Variants in GSTT4 observed in about 807,000 individuals in gnomAD.
GSTT4 encodes the protein glutathione S-transferase theta-4.
In GSTT4 at chr22:24,001,306, G is replaced by C. The variant is rs2034225186; in HGVS notation, c.220C>G (p.Leu74Val). The change falls in exon 3 of 5, where the codon CTG becomes GTG. Residue 74 changes from leucine (L) to valine (V), a missense_variant. Coordinates refer to ENST00000621179, the MANE Select transcript of GSTT4 (RefSeq NM_001358664.2). ...GATGGTGCGCTGTACTTGCGGCACA[G>C]GTAGTAAAGGATGGCCGCGCTGCAG... The part of the protein sequence containing the change: ...LSESAAILYY[L>V]CRKYSAPSHW... The C allele has an allele frequency of 2.0e-5, 3 of 153,344 alleles. No individual in the cohort carries two copies. The highest frequency in any genetic ancestry group is 3.4e-3 in the Middle Eastern group (1 of 298). The allele number at this position is 153,344 out of a possible 1,614,324, so 9.5% of individuals were successfully genotyped here. A position where few individuals can be genotyped will look rare whatever the true frequency, so the allele number is the denominator to read the frequency against.
intron 1 of GSTT4, chr22:24,005,039 C>T (rs754112529): frequency 6.6e-6 from 1 of 152,246 alleles, no homozygotes; most frequent in Non-Finnish European, 1.5e-5. Context: ...GTGGCATGCA[C>T]CTCTAATCCC....
At chr22:23,993,874 G>C, downstream of GSTT4, among the ~76,000 whole-genome samples, 1 of 149,622 alleles carries the variant, frequency 6.7e-6, no homozygotes, top group Admixed American at 6.7e-5. Flanking sequence ...TGATACCTGG[G>C]CCATCGTCTC....
At chr22:23,997,269 T>C (rs2034125379), downstream of GSTT4, among the ~76,000 whole-genome samples, 1 of 152,030 alleles carries the variant, frequency 6.6e-6, no homozygotes, top group Non-Finnish European at 1.5e-5. Flanking sequence ...CAGGCTGGAG[T>C]GCAGTGGTGC....
intron 4 of GSTT4, among the ~76,000 whole-genome samples, chr22:23,999,541 A>G (rs2034181098): frequency 8.9e-6 from 1 of 112,076 alleles, no homozygotes. Flanking sequence ...GACCCTGGCC[A>G]GTGTCTTGAC....
At chr22:23,997,600 G>T (rs1408837853), downstream of GSTT4, among the ~76,000 whole-genome samples, 1 of 151,930 alleles carries the variant, frequency 6.6e-6, no homozygotes, top group Non-Finnish European at 1.5e-5. Context: ...TGCCAATTTT[G>T]TTGATCTTTG....
chr22:23,999,893 A>C (rs1400818826), intron 4 of GSTT4, among the ~76,000 whole-genome samples, 182 bp downstream of exon 4: 1 of 152,162 alleles, frequency 6.6e-6, no homozygotes. Context: ...CTGATTCATA[A>C]CATTCTGTGC....
rs2034288846 is a variant in GSTT4 at position 24,003,741 on chromosome 22, G to A, written c.200+19C>T. 6.4e-6 allele frequency: 1 copy of A among 155,418 alleles called. No homozygotes were observed. The highest frequency in any genetic ancestry group is 6.5e-5 in the Admixed American group (1 of 15,298). 9.6% of individuals were successfully genotyped at this position (155,418 alleles called of 1,614,324 possible). On this transcript the variant is annotated intron_variant, in intron 2 of 4. Transcript: ENST00000621179. ...GAGAAGCAGAGACAGATGGTGCAAG[G>A]GCCCCAGGGAAGACTTACCTTTCAC...
In GSTT4 at chr22:24,001,294, A is replaced by G. The variant is rs1454764323; in HGVS notation, c.232T>C (p.Tyr78His). 2.0e-5 allele frequency: 3 copies of G among 153,072 alleles called. No homozygotes were observed. The highest frequency in any genetic ancestry group is 1.9e-4 in the East Asian group (1 of 5,164). 9.5% of individuals were successfully genotyped at this position (153,072 alleles called of 1,614,324 possible). ...GGGCACCAGTGCGATGGTGCGCTGT[A>G]CTTGCGGCACAGGTAGTAAAGGATG... The part of the protein sequence containing the change: ...AAILYYLCRK[Y>H]SAPSHWCPPD... Residue 78 changes from tyrosine (Y) to histidine (H), a missense_variant, in exon 3 of 5, where the codon TAC (tyrosine) becomes CAC (histidine). Tyr to His is a moderately conservative substitution (Grantham distance 83). Transcript: ENST00000621179.
the GSTT4 span, among the ~76,000 whole-genome samples, chr22:23,991,007 T>TAAG: frequency 2.0e-5 from 2 of 100,096 alleles, 1 homozygote; most frequent in Non-Finnish European, 4.7e-5. Flanking sequence ...CTCCTCTCAA[T>TAAG]AATAATAATA....
downstream of GSTT4, among the ~76,000 whole-genome samples, chr22:23,996,493 T>C (rs1255498923): frequency 6.6e-6 from 1 of 152,184 alleles, no homozygotes. Flanking sequence ...TTTTCATAGA[T>C]GCTTTTTGTC....
At chr22:23,992,560 C>G in the GSTT4 span, among the ~76,000 whole-genome samples, 1 of 151,170 alleles carries the variant, frequency 6.6e-6, no homozygotes, top group Non-Finnish European at 1.5e-5. Context: ...GGGCCATGCA[C>G]TTGGTTTAAA....
At chr22:24,003,603 G>A (rs1225489163) in intron 2 of GSTT4, among the ~76,000 whole-genome samples, 157 bp downstream of exon 2, 5 of 152,394 alleles carry the variant, frequency 3.3e-5, no homozygotes, top group Middle Eastern at 3.4e-3. Flanking sequence ...AGAGCTGGGC[G>A]ATGGATTTGT....
chr22:23,993,265 G>A, the GSTT4 span, among the ~76,000 whole-genome samples: 2 of 152,146 alleles, frequency 1.3e-5, no homozygotes, highest in East Asian at 1.9e-4. Flanking sequence ...GTCCTGCTGC[G>A]TTGCCCAGGC....
At chr22:23,999,747 T>C (rs2034184611) in intron 4 of GSTT4, among the ~76,000 whole-genome samples, 1 of 139,338 alleles carries the variant, frequency 7.2e-6, no homozygotes, top group African/African-American at 2.8e-5. Flanking sequence ...TCCTGGAGAG[T>C]CCAGCAAGAG....
the GSTT4 span, among the ~76,000 whole-genome samples, chr22:23,992,743 C>A: frequency 2.5e-4 from 38 of 151,212 alleles, no homozygotes; most frequent in East Asian, 6.3e-3. Flanking sequence ...TCTCCCAGCG[C>A]CTACCCCAGG....
At chr22:24,002,035 G>A (rs1259642559) in intron 2 of GSTT4, among the ~76,000 whole-genome samples, 1 of 152,354 alleles carries the variant, frequency 6.6e-6, no homozygotes, top group African/African-American at 2.4e-5. Context: ...CGAGGGTAAA[G>A]GGAGCAAGGT....
At chr22:23,992,566 T>A in the GSTT4 span, among the ~76,000 whole-genome samples, 1 of 151,126 alleles carries the variant, frequency 6.6e-6, no homozygotes, top group Non-Finnish European at 1.5e-5. Flanking sequence ...TGCACTTGGT[T>A]TAAAGCTTTG....
the GSTT4 span, among the ~76,000 whole-genome samples, chr22:23,992,063 A>T: frequency 3.3e-5 from 5 of 149,416 alleles, no homozygotes; most frequent in Admixed American, 6.7e-5. Flanking sequence ...AAAAAAAAAA[A>T]AAAAAAAAAA....
chr22:23,998,201 C>T (rs189667012), downstream of GSTT4, among the ~76,000 whole-genome samples: 188 of 152,208 alleles, frequency 1.2e-3, 1 homozygote, highest in African/African-American at 4.4e-3. Context: ...TTCAAATTCC[C>T]TATTTCCTTG....
Sources: gnomAD v4.1 joint callset for allele counts (sites outside exome capture counted in the v4.1 genomes callset) on GRCh38, gnomAD v4.1.1 for gene constraint, MANE v1.5 for transcripts, NCBI Gene and HGNC (gene_info 2026-07-23, HGNC 2026-07-21) for gene names.